CADPS2: variants seen among roughly 807,000 people sequenced by gnomAD.
CADPS2 encodes the protein calcium-dependent secretion activator 2.
A neutral mutation model predicts 172.5 loss-of-function variants in CADPS2; 93 were observed. The ratio of observed to expected loss-of-function variants is 0.54; its 90% CI spans 0.46 to 0.64. The LOEUF (loss-of-function observed/expected upper bound fraction) is 0.64, where lower values mean the gene tolerates loss of function less well. Among genes scored for constraint, CADPS2 ranks in the 30% least tolerant of loss-of-function variants. CADPS2 has a pLI of 0.00. For synonymous variants in CADPS2, 546 were observed against 555.2 expected, an observed-to-expected ratio of 0.98 and a Z score of 0.23; for missense variants, 1,420 against 1,565.9, an observed-to-expected ratio of 0.91 and a Z score of 1.57.
At chr7:122,662,750 T>C (rs1342586996) in intron 3 of CADPS2, among the ~76,000 whole-genome samples, 1 of 152,168 alleles carries the variant, frequency 6.6e-6, no homozygotes, top group African/African-American at 2.4e-5. Context: ...TCTCTTTAAA[T>C]TACATAGTTC....
intron 2 of CADPS2, among the ~76,000 whole-genome samples, chr7:122,686,559 A>G (rs67765659): frequency 0.066 from 10,045 of 152,284 alleles, 376 homozygotes; most frequent in South Asian, 0.17. Flanking sequence ...AGTGAGCTTA[A>G]GAATTTGCAT....
In CADPS2 at chr7:122,471,510, T is replaced by C; in HGVS notation, c.2051A>G (p.Tyr684Cys). 2 of 1,611,578 alleles carry C rather than the reference T, an allele frequency of 1.2e-6. No individual in the cohort carries two copies. The highest frequency in any genetic ancestry group is 1.1e-5 in the South Asian group (1 of 90,724). ...ATGTCTGTGACAGCCTCTCACACCA[T>C]AACGGGCACAGTACTCATCTAACAC... ...VFVLDEYCAR[Y>C]GVRGCHRHLC... The change falls in exon 14 of 30, where the codon TAT (tyrosine) becomes TGT (cysteine). Residue 684 changes from tyrosine (Y) to cysteine (C), a missense_variant. Transcript: ENST00000449022.
At chr7:122,389,371 C>G (rs1454560343) in intron 22 of CADPS2, among the ~76,000 whole-genome samples, 2 of 151,956 alleles carry the variant, frequency 1.3e-5, no homozygotes, top group Non-Finnish European at 2.9e-5. Flanking sequence ...TCAGGGTGCT[C>G]TGAAGATGGA....
At chr7:122,352,657 C>T (rs1024013942) in intron 27 of CADPS2, among the ~76,000 whole-genome samples, 8 of 152,198 alleles carry the variant, frequency 5.3e-5, no homozygotes, top group Non-Finnish European at 1.2e-4. Flanking sequence ...GGCAAGAGCT[C>T]CATTCCCCGA....
At chr7:122,783,454 C>A (rs1793278620) in intron 1 of CADPS2, among the ~76,000 whole-genome samples, 1 of 152,174 alleles carries the variant, frequency 6.6e-6, no homozygotes, top group South Asian at 2.1e-4. Flanking sequence ...GGGGCACCAA[C>A]TGTGGTAGCA....
intron 17 of CADPS2, among the ~76,000 whole-genome samples, chr7:122,417,399 T>C (rs1038029005): frequency 4.6e-5 from 7 of 152,170 alleles, no homozygotes; most frequent in African/African-American, 1.7e-4. Flanking sequence ...AAAATTACAG[T>C]AATTCTTTTG....
intron 1 of CADPS2, among the ~76,000 whole-genome samples, chr7:122,763,790 C>T (rs2093464368): frequency 1.3e-5 from 2 of 152,126 alleles, no homozygotes; most frequent in East Asian, 1.9e-4. Context: ...CAAGATCTTT[C>T]CAAATTATGA....
intron 20 of CADPS2, among the ~76,000 whole-genome samples, chr7:122,400,839 C>G (rs1423641007): frequency 1.3e-5 from 2 of 152,222 alleles, no homozygotes; most frequent in African/African-American, 4.8e-5. Flanking sequence ...AAGAGAATAA[C>G]ACGCAGGTGT....
intron 1 of CADPS2, among the ~76,000 whole-genome samples, chr7:122,795,226 A>T (rs1337087580): frequency 6.6e-6 from 1 of 152,124 alleles, no homozygotes; most frequent in African/African-American, 2.4e-5. Context: ...CTAGACTAAT[A>T]AAGAATAGAG....
chr7:122,462,355 T>C (rs1462405390), intron 14 of CADPS2, among the ~76,000 whole-genome samples: 1 of 142,838 alleles, frequency 7.0e-6, no homozygotes, highest in Non-Finnish European at 1.5e-5. Flanking sequence ...TGTTGGAAAA[T>C]ATAAACTGTT....
rs567976418 is a variant in CADPS2, at chr7:122,694,337, G to C, written c.454-30768C>G. ...CAAATGCAGAGGGAATTCTGAAAAAGATGCTGTGAGTTGTTAAGTTTTCAA... is the reference window on the plus strand; with the variant it reads ...CAAATGCAGAGGGAATTCTGAAAAACATGCTGTGAGTTGTTAAGTTTTCAA... On this transcript the variant is annotated intron_variant, in intron 2 of 29. Coordinates refer to ENST00000449022, the MANE Select transcript of CADPS2 (RefSeq NM_017954.11). 3.9e-5 allele frequency among the ~76,000 whole-genome samples: 6 copies of C among 152,346 alleles called. No homozygotes were observed. In the South Asian group the frequency reaches 1.2e-3, roughly 32 times the overall value.
chr7:122,737,655 T>C (rs1339544140), intron 1 of CADPS2, among the ~76,000 whole-genome samples: 1 of 152,162 alleles, frequency 6.6e-6, no homozygotes, highest in African/African-American at 2.4e-5. Context: ...AGTTTCTATC[T>C]CAAATTTCCA....
chr7:122,373,417 C>T (rs1396684868), intron 25 of CADPS2, among the ~76,000 whole-genome samples: 1 of 152,082 alleles, frequency 6.6e-6, no homozygotes, highest in Non-Finnish European at 1.5e-5. Flanking sequence ...TGTATGTGTG[C>T]TAACATTTAA....
At chr7:122,345,794 C>G in intron 27 of CADPS2, 113 bp from the exon 28 acceptor site, 1 of 648,658 alleles carries the variant, frequency 1.5e-6, no homozygotes, top group South Asian at 2.2e-5. Flanking sequence ...TAACAAGGAG[C>G]TTAAAACTAA....
intron 11 of CADPS2, among the ~76,000 whole-genome samples, chr7:122,484,014 G>T (rs1273911268): frequency 6.6e-6 from 1 of 152,068 alleles, no homozygotes; most frequent in East Asian, 1.9e-4. Flanking sequence ...TCAATATTAA[G>T]AAGTCAGTTT....
chr7:122,426,909 A>G (rs1406961256), intron 17 of CADPS2, among the ~76,000 whole-genome samples: 1 of 152,232 alleles, frequency 6.6e-6, no homozygotes, highest in Non-Finnish European at 1.5e-5. Context: ...AAAAACAACA[A>G]GTACATGACA....
chr7:122,505,174 C>A (rs2059519991), intron 9 of CADPS2, among the ~76,000 whole-genome samples: 1 of 152,018 alleles, frequency 6.6e-6, no homozygotes, highest in South Asian at 2.1e-4. Context: ...TGTAACCCAC[C>A]CAAAATGCCA....
chr7:122,427,347 A>G (rs2049300380), intron 17 of CADPS2: 1 of 152,192 alleles, frequency 6.6e-6, no homozygotes, highest in Non-Finnish European at 1.5e-5. Flanking sequence ...TAAGAAAGTT[A>G]AAAATTTTGT....
intron 8 of CADPS2, among the ~76,000 whole-genome samples, chr7:122,524,938 A>T (rs906636621): frequency 2.0e-5 from 3 of 152,076 alleles, no homozygotes; most frequent in African/African-American, 7.2e-5. Context: ...TGTTGAGCCA[A>T]GGGGCTTGAG....
Sources: gnomAD v4.1 joint callset for allele counts (sites outside exome capture counted in the v4.1 genomes callset) on GRCh38, gnomAD v4.1.1 for gene constraint, MANE v1.5 for transcripts, NCBI Gene and HGNC (gene_info 2026-07-23, HGNC 2026-07-21) for gene names.